CYP4F22: variants seen among roughly 807,000 people sequenced by gnomAD.
CYP4F22 encodes ultra-long-chain fatty acid omega-hydroxylase.
CYP4F22 carries 37 observed loss-of-function variants against 60.4 expected under a neutral mutation model. The ratio of observed to expected loss-of-function variants is 0.61; its 90% CI spans 0.47 to 0.81. CYP4F22 has a LOEUF of 0.81. Among genes scored for constraint, CYP4F22 ranks in the 30% least tolerant of loss-of-function variants. CYP4F22 has a pLI of 0.00. For missense variants in CYP4F22, 655 were observed against 715.0 expected, an observed-to-expected ratio of 0.92 and a Z score of 0.96; for synonymous variants, 258 against 280.5, an observed-to-expected ratio of 0.92 and a Z score of 0.80.
At chr19:15,550,794 T>C (rs753603797) in intron 13 of CYP4F22, 38 bp downstream of exon 13, 1 of 1,607,404 alleles carries the variant, frequency 6.2e-7, no homozygotes, top group South Asian at 1.1e-5. Flanking sequence ...GCCAGCTGTG[T>C]AGGAACAGAG....
At chr19:15,527,275 T>C (rs1971293495) in intron 3 of CYP4F22, among the ~76,000 whole-genome samples, 1 of 152,066 alleles carries the variant, frequency 6.6e-6, no homozygotes. Context: ...TGGCTCCCTA[T>C]TGCCATTCAG....
chr19:15,531,580 C>T (rs934995764), intron 4 of CYP4F22, among the ~76,000 whole-genome samples: 15 of 152,180 alleles, frequency 9.9e-5, no homozygotes, highest in Non-Finnish European at 1.3e-4. Flanking sequence ...GAAGGGATGA[C>T]GATCCCTGTT....
chr19:15,551,271 A>G (rs778392359), intron 13 of CYP4F22, 23 bp from the exon 14 acceptor site: 1 of 1,605,600 alleles, frequency 6.2e-7, no homozygotes, highest in Non-Finnish European at 8.5e-7. Context: ...GCTGGGCCTG[A>G]GCCCTGTCCC....
At chr19:15,513,068 A>G (rs1184708059) in intron 1 of CYP4F22, among the ~76,000 whole-genome samples, 1 of 151,908 alleles carries the variant, frequency 6.6e-6, no homozygotes, top group Non-Finnish European at 1.5e-5. Context: ...GCATTCCATG[A>G]GGAGAAAAAC....
chr19:15,522,081 G>A (rs998672301), intron 1 of CYP4F22, among the ~76,000 whole-genome samples: 1 of 150,916 alleles, frequency 6.6e-6, no homozygotes, highest in Non-Finnish European at 1.5e-5. Flanking sequence ...GGAGGCGGAG[G>A]TTGCAGTGAG....
chr19:15,541,372 G>A (rs576791666), intron 8 of CYP4F22, among the ~76,000 whole-genome samples: 7 of 152,212 alleles, frequency 4.6e-5, no homozygotes, highest in Admixed American at 1.3e-4. Flanking sequence ...CTATGTCTGC[G>A]GATCATCTTC....
At chr19:15,550,447 G>C (rs147094091) in intron 12 of CYP4F22, among the ~76,000 whole-genome samples, 13 of 152,222 alleles carry the variant, frequency 8.5e-5, no homozygotes, top group Non-Finnish European at 1.9e-4. Flanking sequence ...GTTCTAGGCA[G>C]AGGAAACAGC....
intron 1 of CYP4F22, among the ~76,000 whole-genome samples, chr19:15,513,565 C>G (rs12982252): frequency 0.2 from 30,280 of 151,716 alleles, 3,904 homozygotes; most frequent in East Asian, 0.64. Flanking sequence ...GGGGTTTCAC[C>G]GTGTTAGCTA....
chr19:15,538,023 G>C, intron 7 of CYP4F22, 30 bp downstream of exon 7: 1 of 1,613,704 alleles, frequency 6.2e-7, no homozygotes, highest in Non-Finnish European at 8.5e-7. Flanking sequence ...GGAAGATGGA[G>C]CCAGCTGCTC....
At chr19:15,541,477 C>T (rs1210686898) in intron 8 of CYP4F22, among the ~76,000 whole-genome samples, 1 of 151,628 alleles carries the variant, frequency 6.6e-6, no homozygotes, top group East Asian at 1.9e-4. Flanking sequence ...GCAAAGACCT[C>T]TCTCCAAACA....
At chr19:15,513,747 C>A (rs759735593) in intron 1 of CYP4F22, among the ~76,000 whole-genome samples, 8 of 152,104 alleles carry the variant, frequency 5.3e-5, no homozygotes, top group Non-Finnish European at 2.9e-5. Context: ...GCAATCCGCA[C>A]CCCCCTCGGT....
At chr19:15,529,910 G>C in intron 4 of CYP4F22, 57 bp downstream of exon 4, 1 of 1,610,034 alleles carries the variant, frequency 6.2e-7, no homozygotes, top group Non-Finnish European at 8.5e-7. Flanking sequence ...GAGCCTATCT[G>C]AGATTCTAGG....
rs1045109000 is a variant in CYP4F22, at chr19:15,544,148, A to G, written c.1007-2A>G. ...CATTCAGATACCCTCATCTCCCTGCAGGTCACGACACAACATCCAGTGGGA... is the reference window on the plus strand; with the variant it reads ...CATTCAGATACCCTCATCTCCCTGCGGGTCACGACACAACATCCAGTGGGA... On this transcript the variant is annotated splice_acceptor_variant, in intron 9 of 13. Coordinates refer to ENST00000269703, the MANE Select transcript of CYP4F22 (RefSeq NM_173483.4). LOFTEE classifies it high-confidence loss of function. The G allele has an allele frequency of 6.2e-7, 1 of 1,614,102 alleles. No homozygotes were observed. The highest frequency in any genetic ancestry group is 1.3e-5 in the African/African-American group (1 of 74,928).
intron 1 of CYP4F22, among the ~76,000 whole-genome samples, chr19:15,517,186 A>T (rs1428751197): frequency 6.6e-6 from 1 of 151,916 alleles, no homozygotes; most frequent in African/African-American, 2.4e-5. Flanking sequence ...TGCCAGACAG[A>T]AGTGTTCTTG....
intron 10 of CYP4F22, among the ~76,000 whole-genome samples, chr19:15,546,636 A>G (rs1472543075): frequency 2.6e-5 from 4 of 152,200 alleles, no homozygotes; most frequent in Non-Finnish European, 5.9e-5. Flanking sequence ...TAGAACATGA[A>G]CCAAGAGTTA....
At chr19:15,535,056 T>A (rs1048150614) in intron 4 of CYP4F22, among the ~76,000 whole-genome samples, 1 of 152,172 alleles carries the variant, frequency 6.6e-6, no homozygotes, top group Non-Finnish European at 1.5e-5. Flanking sequence ...CAGATCCTGG[T>A]GTCAGAAAGA....
At chr19:15,546,151 T>C (rs1019256436) in intron 10 of CYP4F22, among the ~76,000 whole-genome samples, 3 of 152,122 alleles carry the variant, frequency 2.0e-5, no homozygotes, top group Non-Finnish European at 2.9e-5. Flanking sequence ...ATTTTTAACA[T>C]TTTTTTAAGA....
intron 1 of CYP4F22, among the ~76,000 whole-genome samples, chr19:15,523,173 G>A (rs1026931847): frequency 6.6e-6 from 1 of 150,824 alleles, no homozygotes; most frequent in Admixed American, 6.6e-5. Flanking sequence ...TGGCCAACAT[G>A]GTGAAACCCC....
chr19:15,512,862 CTCATGGTATAGGAAACCAAAA>C (rs1971107423), intron 1 of CYP4F22, among the ~76,000 whole-genome samples: 1 of 152,058 alleles, frequency 6.6e-6, no homozygotes, highest in Admixed American at 6.6e-5. Context: ...GTGACATGTG[CTCATGGTATAGGAAACCAAAA>C]CGACTGGAAA....
Sources: gnomAD v4.1 joint callset for allele counts (sites outside exome capture counted in the v4.1 genomes callset) on GRCh38, gnomAD v4.1.1 for gene constraint, MANE v1.5 for transcripts, NCBI Gene and HGNC (gene_info 2026-07-23, HGNC 2026-07-21) for gene names.